Variants in DNAJC1 observed in about 807,000 individuals in gnomAD.
DNAJC1 encodes dnaJ homolog subfamily C member 1.
In DNAJC1, 58 loss-of-function variants were observed where a neutral mutation model predicts 76.6. The observed-to-expected ratio is 0.76, with a 90% CI of 0.61 to 0.94. DNAJC1 has a LOEUF of 0.94. DNAJC1 is among the 40% of genes least tolerant of loss of function. The probability of loss-of-function intolerance (pLI) is 0.00; values close to 1 mark genes in which losing one functional copy is unlikely to be tolerated. For synonymous variants in DNAJC1, 258 were observed against 267.9 expected, an observed-to-expected ratio of 0.96 and a Z score of 0.36; for missense variants, 689 against 677.3, an observed-to-expected ratio of 1.02 and a Z score of -0.19.
At chr10:21,889,398 C>T (rs1836424096) in intron 7 of DNAJC1, among the ~76,000 whole-genome samples, 1 of 152,012 alleles carries the variant, frequency 6.6e-6, no homozygotes, top group Non-Finnish European at 1.5e-5. Context: ...TGGGTGGGAG[C>T]ACAGATCCCA....
chr10:21,886,504 A>C (rs1258354072), intron 7 of DNAJC1, among the ~76,000 whole-genome samples: 1 of 152,174 alleles, frequency 6.6e-6, no homozygotes, highest in Non-Finnish European at 1.5e-5. Context: ...CCTGATACTA[A>C]AACCTGGCAG....
chr10:21,912,205 T>C (rs186184925), intron 6 of DNAJC1, among the ~76,000 whole-genome samples: 40 of 152,252 alleles, frequency 2.6e-4, no homozygotes, highest in Admixed American at 1.8e-3. Flanking sequence ...TATATTTTAA[T>C]ATTTATTTTC....
In DNAJC1 at chr10:22,003,224, C is replaced by T; in HGVS notation, c.211G>A (p.Gly71Arg). ...GCCTCCTTGCTTACCTGCTGCACCC[C>T]GAGGAACTGGTAGAAGTTGAGCTGC... ...EVQLNFYQFL[G>R]VQQDASSADI... Residue 71 changes from glycine (G) to arginine (R), a missense_variant, in exon 1 of 12, where the codon GGG becomes AGG. Coordinates refer to ENST00000376980, the MANE Select transcript of DNAJC1 (RefSeq NM_022365.4). 1.3e-6 allele frequency: 2 copies of T among 1,556,878 alleles called. No homozygotes were observed. The highest frequency in any genetic ancestry group is 1.8e-5 in the Admixed American group (1 of 54,182).
At chr10:21,902,841 A>C (rs1433690740) in intron 7 of DNAJC1, among the ~76,000 whole-genome samples, 1 of 152,204 alleles carries the variant, frequency 6.6e-6, no homozygotes, top group Admixed American at 6.5e-5. Flanking sequence ...AATTACATAG[A>C]AATGATAAGC....
At chr10:21,942,547 C>T (rs1333384578) in intron 1 of DNAJC1, among the ~76,000 whole-genome samples, 2 of 151,762 alleles carry the variant, frequency 1.3e-5, no homozygotes, top group Non-Finnish European at 2.9e-5. Flanking sequence ...TGGCTCACAC[C>T]TGTAATCCCA....
At position 21,772,822 on chromosome 10, in the gene DNAJC1, G is replaced by C. The variant is rs564932337; in HGVS notation, c.1099-6513C>G. On this transcript the variant is annotated intron_variant, in intron 9 of 11. Coordinates refer to ENST00000376980, the MANE Select transcript of DNAJC1 (RefSeq NM_022365.4). ...TTTATAAAGAAAAGATACTGAATTG[G>C]CTCATGGTTTCACAAGCTGTACAGG... Among the ~76,000 whole-genome samples the C allele has an allele frequency of 2.0e-5, 3 of 151,912 alleles. No individual in the cohort carries two copies. The East Asian group carries it at 5.8e-4, about 29-fold the overall frequency.
chr10:21,953,993 T>C (rs921824427), intron 1 of DNAJC1, among the ~76,000 whole-genome samples: 7 of 152,028 alleles, frequency 4.6e-5, no homozygotes, highest in Non-Finnish European at 8.8e-5. Context: ...TTCTAGAAAA[T>C]AGCACTGTAC....
chr10:21,772,000 A>G (rs1180916365), intron 9 of DNAJC1, among the ~76,000 whole-genome samples: 1 of 152,124 alleles, frequency 6.6e-6, no homozygotes, highest in African/African-American at 2.4e-5. Flanking sequence ...GGTGTGATCA[A>G]AGCTCACTGC....
At chr10:21,920,535 TCTAC>T (rs1486709228) in intron 4 of DNAJC1, 1 of 269,762 alleles carries the variant, frequency 3.7e-6, no homozygotes, top group African/African-American at 2.2e-5. Flanking sequence ...AAAACATGGC[TCTAC>T]CTTCTAATTC....
chr10:21,925,750 A>C (rs2131776341), intron 3 of DNAJC1, among the ~76,000 whole-genome samples: 1 of 152,332 alleles, frequency 6.6e-6, no homozygotes. Context: ...TAAATACACT[A>C]AATCGATCAG....
intron 1 of DNAJC1, among the ~76,000 whole-genome samples, chr10:21,930,322 C>T (rs1223431497): frequency 6.6e-6 from 1 of 152,138 alleles, no homozygotes; most frequent in African/African-American, 2.4e-5. Context: ...ATTAAAATAA[C>T]ATATTAATAT....
At chr10:21,779,242 G>A (rs1834495317) in intron 9 of DNAJC1, among the ~76,000 whole-genome samples, 1 of 152,184 alleles carries the variant, frequency 6.6e-6, no homozygotes, top group Admixed American at 6.5e-5. Context: ...GCTTTGAAGA[G>A]AGTAGTGGTT....
At chr10:21,982,259 T>C (rs1313413801) in intron 1 of DNAJC1, among the ~76,000 whole-genome samples, 1 of 152,082 alleles carries the variant, frequency 6.6e-6, no homozygotes, top group Non-Finnish European at 1.5e-5. Flanking sequence ...GACTTAAAAA[T>C]AGATCAAGGA....
At chr10:21,782,989 A>T (rs180974586) in intron 9 of DNAJC1, among the ~76,000 whole-genome samples, 2 of 152,228 alleles carry the variant, frequency 1.3e-5, no homozygotes, top group African/African-American at 4.8e-5. Context: ...GAAAACTGGC[A>T]CAAGACAGGG....
chr10:21,966,928 C>T (rs1486059473), intron 1 of DNAJC1, among the ~76,000 whole-genome samples: 1 of 151,914 alleles, frequency 6.6e-6, no homozygotes, highest in African/African-American at 2.4e-5. Context: ...CTTAGGTGAT[C>T]CACCTGCCTC....
chr10:21,833,477 T>G (rs983913424), intron 8 of DNAJC1, among the ~76,000 whole-genome samples: 2 of 151,962 alleles, frequency 1.3e-5, no homozygotes, highest in Non-Finnish European at 2.9e-5. Flanking sequence ...ACACAAAAAA[T>G]AAAATAAAAA....
chr10:21,804,034 A>C (rs1168248735), intron 9 of DNAJC1: 2 of 903,514 alleles, frequency 2.2e-6, no homozygotes, highest in Non-Finnish European at 2.6e-6. Context: ...AAAAGTTTAA[A>C]AAGATGCTTT....
intron 7 of DNAJC1, among the ~76,000 whole-genome samples, chr10:21,894,495 T>A (rs1166506994): frequency 6.6e-6 from 1 of 152,102 alleles, no homozygotes; most frequent in Admixed American, 6.5e-5. Context: ...CACTTGAACC[T>A]GGGAGGTGTA....
At chr10:21,814,934 G>A (rs1222748789) in intron 8 of DNAJC1, among the ~76,000 whole-genome samples, 1 of 152,174 alleles carries the variant, frequency 6.6e-6, no homozygotes, top group Non-Finnish European at 1.5e-5. Context: ...GGATTTAAGA[G>A]ATTTTATCTC....
Sources: allele counts gnomAD v4.1 joint callset (sites outside exome capture counted in the v4.1 genomes callset), GRCh38; gene constraint gnomAD v4.1.1; transcripts MANE v1.5; gene names NCBI Gene and HGNC (gene_info 2026-07-23, HGNC 2026-07-21).